MACROD2: variants seen among roughly 807,000 people sequenced by gnomAD.
MACROD2 encodes ADP-ribose glycohydrolase MACROD2.
A neutral mutation model predicts 70.4 loss-of-function variants in MACROD2; 36 were observed. The ratio of observed to expected loss-of-function variants is 0.51; its 90% CI spans 0.39 to 0.68. The LOEUF (loss-of-function observed/expected upper bound fraction) is 0.68, where lower values mean the gene tolerates loss of function less well. Among genes scored for constraint, MACROD2 ranks in the 30% least tolerant of loss-of-function variants. MACROD2 has a pLI of 0.00. For missense variants in MACROD2, 496 were observed against 538.4 expected (o/e 0.92, Z 0.78); for synonymous variants, 172 against 178.8 (o/e 0.96, Z 0.30).
intron 5 of MACROD2, among the ~76,000 whole-genome samples, chr20:14,968,191 A>C (rs985370327): frequency 6.6e-6 from 1 of 152,170 alleles, no homozygotes; most frequent in African/African-American, 2.4e-5. Context: ...ATCACTTAAA[A>C]TTTCTCTTCA....
At chr20:16,007,558 C>T (rs2066805649) in intron 15 of MACROD2, among the ~76,000 whole-genome samples, 1 of 152,146 alleles carries the variant, frequency 6.6e-6, no homozygotes, top group Non-Finnish European at 1.5e-5. Context: ...TTGTTTATTC[C>T]ATTTTTCAAA....
chr20:15,744,796 T>A (rs1359778898), intron 8 of MACROD2, among the ~76,000 whole-genome samples: 1 of 152,094 alleles, frequency 6.6e-6, no homozygotes, highest in African/African-American at 2.4e-5. Flanking sequence ...TATGTGTGAA[T>A]CCTTGGTTTG....
intron 3 of MACROD2, among the ~76,000 whole-genome samples, chr20:14,462,209 T>A (rs569184348): frequency 6.6e-6 from 1 of 152,130 alleles, no homozygotes; most frequent in Non-Finnish European, 1.5e-5. Context: ...TTTCTTGACT[T>A]TTTAATGATT....
intron 2 of MACROD2, among the ~76,000 whole-genome samples, chr20:14,032,934 C>T (rs1263456084): frequency 6.6e-6 from 1 of 152,090 alleles, no homozygotes; most frequent in Non-Finnish European, 1.5e-5. Flanking sequence ...TATTATTGCT[C>T]TAATGATTTA....
chr20:15,083,838 C>T (rs2075723975), intron 5 of MACROD2, among the ~76,000 whole-genome samples: 1 of 152,090 alleles, frequency 6.6e-6, no homozygotes, highest in African/African-American at 2.4e-5. Flanking sequence ...TCATATTCTT[C>T]CTTTGACTAT....
chr20:15,637,805 A>G (rs1465303383), intron 8 of MACROD2, among the ~76,000 whole-genome samples: 1 of 152,166 alleles, frequency 6.6e-6, no homozygotes, highest in Non-Finnish European at 1.5e-5. Context: ...GTGAGTTTTT[A>G]ATCTCAACAT....
intron 5 of MACROD2, among the ~76,000 whole-genome samples, chr20:14,838,859 C>T (rs2073058020): frequency 6.6e-6 from 1 of 152,066 alleles, no homozygotes; most frequent in Non-Finnish European, 1.5e-5. Flanking sequence ...TGCCACCTCC[C>T]CTTCACTCCC....
chr20:14,479,424 T>C (rs559338445), intron 3 of MACROD2, among the ~76,000 whole-genome samples: 1 of 152,270 alleles, frequency 6.6e-6, no homozygotes, highest in African/African-American at 2.4e-5. Context: ...TCCTCTTCAA[T>C]CCCAGGGAGG....
intron 5 of MACROD2, among the ~76,000 whole-genome samples, chr20:14,817,591 G>A (rs777407289): frequency 6.6e-6 from 1 of 152,080 alleles, no homozygotes; most frequent in Admixed American, 6.6e-5. Context: ...CTTCATATAC[G>A]TTTTTTGTCT....
chr20:14,184,321 A>G (rs1317979893), intron 3 of MACROD2, among the ~76,000 whole-genome samples: 1 of 151,828 alleles, frequency 6.6e-6, no homozygotes, highest in African/African-American at 2.4e-5. Flanking sequence ...GTCAGGGTTG[A>G]AGATCAGGTA....
intron 4 of MACROD2, among the ~76,000 whole-genome samples, chr20:14,668,585 GT>G (rs2070761493): frequency 6.6e-6 from 1 of 152,108 alleles, no homozygotes; most frequent in East Asian, 1.9e-4. Flanking sequence ...AAAAGAAATA[GT>G]TCTATAATTA....
At chr20:15,876,317 A>G (rs928793961) in intron 9 of MACROD2, among the ~76,000 whole-genome samples, 1 of 151,454 alleles carries the variant, frequency 6.6e-6, no homozygotes, top group African/African-American at 2.4e-5. Flanking sequence ...CCTGTGTCCA[A>G]GTGTTCTCAT....
intron 5 of MACROD2, among the ~76,000 whole-genome samples, chr20:14,687,764 A>G (rs1183709240): frequency 6.6e-6 from 1 of 152,198 alleles, no homozygotes; most frequent in East Asian, 1.9e-4. Context: ...GTGCCACCTC[A>G]TAAAAGTCAT....
At chr20:14,682,163 T>C (rs1461752652) in intron 4 of MACROD2, among the ~76,000 whole-genome samples, 1 of 152,160 alleles carries the variant, frequency 6.6e-6, no homozygotes, top group Non-Finnish European at 1.5e-5. Flanking sequence ...ATAATGCAGG[T>C]AATATTTGAC....
intron 4 of MACROD2, among the ~76,000 whole-genome samples, chr20:14,653,166 T>C (rs1201863136): frequency 3.3e-5 from 5 of 151,306 alleles, no homozygotes; most frequent in Non-Finnish European, 5.9e-5. Context: ...TCCTCCCACC[T>C]CAGCCTCCCA....
At chr20:14,962,711 C>CT (rs975648017) in intron 5 of MACROD2, among the ~76,000 whole-genome samples, 3 of 151,466 alleles carry the variant, frequency 2.0e-5, no homozygotes, top group Non-Finnish European at 4.4e-5. Context: ...TTATTCTCTT[C>CT]TTTTTTTTCT....
chr20:14,536,157 A>G (rs1458929408), intron 4 of MACROD2, among the ~76,000 whole-genome samples: 3 of 152,190 alleles, frequency 2.0e-5, no homozygotes, highest in South Asian at 2.1e-4. Flanking sequence ...CCTGATACCC[A>G]ACAACATATA....
intron 4 of MACROD2, among the ~76,000 whole-genome samples, chr20:14,515,784 A>G (rs1322833436): frequency 1.3e-5 from 2 of 151,866 alleles, no homozygotes; most frequent in Admixed American, 6.6e-5. Flanking sequence ...TTAGTGATCT[A>G]TTTCACTGCA....
chr20:15,621,608 G>A (rs1264274498), intron 8 of MACROD2, among the ~76,000 whole-genome samples: 4 of 152,136 alleles, frequency 2.6e-5, no homozygotes, highest in Non-Finnish European at 5.9e-5. Flanking sequence ...AGAATAATTT[G>A]CATCTGGAGG....
Sources: allele counts gnomAD v4.1 joint callset (sites outside exome capture counted in the v4.1 genomes callset), GRCh38; gene constraint gnomAD v4.1.1; transcripts MANE v1.5; gene names NCBI Gene and HGNC (gene_info 2026-07-23, HGNC 2026-07-21).